The following DNAH11 variants were observed in gnomAD, a reference collection of about 807,000 sequenced individuals.
DNAH11 encodes the protein axonemal beta dynein heavy chain 11.
In DNAH11, 442 loss-of-function variants were observed where a neutral mutation model predicts 526.0. The ratio of observed to expected loss-of-function variants is 0.84; its 90% CI spans 0.78 to 0.91. The LOEUF is 0.91. DNAH11 is among the 40% of genes least tolerant of loss of function. The probability of loss-of-function intolerance (pLI) is 0.00; values close to 1 mark genes in which losing one functional copy is unlikely to be tolerated. For synonymous variants in DNAH11, 2,461 were observed against 1,935.9 expected, an observed-to-expected ratio of 1.27 and a Z score of -7.12; for missense variants, 6,989 against 5,448.7, an observed-to-expected ratio of 1.28 and a Z score of -8.90.
At chr7:21,577,571 A>C (rs561470687) in intron 8 of DNAH11, among the ~76,000 whole-genome samples, 1 of 152,236 alleles carries the variant, frequency 6.6e-6, no homozygotes, top group East Asian at 1.9e-4. Flanking sequence ...GGCCACCTGC[A>C]CTTGTGGCAG....
intron 65 of DNAH11, among the ~76,000 whole-genome samples, chr7:21,839,984 A>G (rs757500885): frequency 1.3e-5 from 2 of 152,242 alleles, no homozygotes; most frequent in African/African-American, 2.4e-5. Context: ...AATAGTCTTT[A>G]CACATTAAAA....
At position 21,589,317 on chromosome 7, in the gene DNAH11, G is replaced by A; in HGVS notation, c.2083G>A (p.Asp695Asn). Residue 695 changes from aspartate to asparagine, a missense_variant, in exon 12 of 82, where the codon GAT becomes AAT. Transcript: ENST00000409508. ...CTATAATGAATGGAAAAGTAATGTG[G>A]ATGAAATCTGTGAATTCAATTTGAA... ...RIYNEWKSNVDEICEFNLNQP... is the reference protein window; with the variant it reads ...RIYNEWKSNVNEICEFNLNQP... 1 of 1,610,570 alleles carries A rather than the reference G, an allele frequency of 6.2e-7. No individual in the cohort carries two copies. Among genetic ancestry groups the A allele is most frequent in the Non-Finnish European group, 8.5e-7 (1 of 1,178,570 alleles).
At chr7:21,738,905 A>C in intron 47 of DNAH11, 39 bp downstream of exon 47, 7 of 1,449,468 alleles carry the variant, frequency 4.8e-6, no homozygotes, top group Non-Finnish European at 6.5e-6. Flanking sequence ...CCCAAAATCT[A>C]ATAATTATTA....
intron 74 of DNAH11, among the ~76,000 whole-genome samples, chr7:21,879,084 T>C (rs1783817748): frequency 6.6e-6 from 1 of 152,208 alleles, no homozygotes; most frequent in African/African-American, 2.4e-5. Context: ...CTTTTAATTT[T>C]ATGGCTGTTG....
chr7:21,705,412 G>C (rs755228081), intron 38 of DNAH11, 48 bp from the exon 39 acceptor site: 1 of 1,599,258 alleles, frequency 6.3e-7, no homozygotes, highest in Non-Finnish European at 8.6e-7. Context: ...TTATCTTTTT[G>C]TCACCAACTC....
At chr7:21,625,893 A>C (rs1389675930) in intron 25 of DNAH11, among the ~76,000 whole-genome samples, 3 of 152,082 alleles carry the variant, frequency 2.0e-5, no homozygotes, top group Non-Finnish European at 4.4e-5. Flanking sequence ...TTAAGTTTTT[A>C]GCTAAGATTA....
rs1244190872 is a variant in DNAH11 at position 21,786,326 on chromosome 7, G to GTGTGTGTGTA, written c.9598-295_9598-294insGTGTGTATGT. On this transcript the variant is annotated intron_variant, in intron 58 of 81. Coordinates refer to ENST00000409508, the MANE Select transcript of DNAH11 (RefSeq NM_001277115.2). ...CATGTGTGTGTGTGTGTGTGTGTGT[G>GTGTGTGTGTA]TGTATCCTGGCCTCAGTGAGCAGGG... 2.0e-5 allele frequency among the ~76,000 whole-genome samples: 3 copies of GTGTGTGTGTA among 151,788 alleles called. No individual in the cohort carries two copies. The East Asian group carries it at 5.8e-4, about 29-fold the overall frequency.
chr7:21,873,897 TCTC>T (rs1332539356), intron 74 of DNAH11, among the ~76,000 whole-genome samples: 1 of 140,634 alleles, frequency 7.1e-6, no homozygotes, highest in African/African-American at 2.6e-5. Flanking sequence ...TTCAAGCAAT[TCTC>T]CTGCCTCAGC....
rs144104318 is a variant in DNAH11 at position 21,850,273 on chromosome 7, G to A, written c.10897-2194G>A. On this transcript the variant is annotated intron_variant, in intron 66 of 81. Transcript: ENST00000409508. ...CGGGAGGCTGAGGCAGGAGAATGGC[G>A]TGAACCCGGGAGGCGGAGCTTGCAG... 6.9e-3 allele frequency among the ~76,000 whole-genome samples: 1,027 copies of A among 149,602 alleles called. 10 individuals are homozygous for A. Among genetic ancestry groups the A allele is most frequent in the African/African-American group, 0.023 (941 of 40,850 alleles).
chr7:21,801,026 T>G, intron 61 of DNAH11, 111 bp from the exon 62 acceptor site: 1 of 1,140,718 alleles, frequency 8.8e-7, no homozygotes, highest in Non-Finnish European at 1.3e-6. Context: ...CAAAGGTTAA[T>G]GGGGGGAAGA....
intron 42 of DNAH11, among the ~76,000 whole-genome samples, chr7:21,715,507 G>A (rs1487293725): frequency 6.6e-6 from 1 of 152,172 alleles, no homozygotes; most frequent in Non-Finnish European, 1.5e-5. Flanking sequence ...GGTCTTTTCT[G>A]TGGGCAAGGA....
At chr7:21,744,055 T>C (rs1786036300) in intron 49 of DNAH11, among the ~76,000 whole-genome samples, 1 of 152,080 alleles carries the variant, frequency 6.6e-6, no homozygotes, top group African/African-American at 2.4e-5. Flanking sequence ...GTGAAATGAT[T>C]AGACTGATAT....
intron 63 of DNAH11, among the ~76,000 whole-genome samples, chr7:21,812,105 T>G (rs13227625): frequency 0.41 from 62,501 of 151,870 alleles, 13,771 homozygotes; most frequent in East Asian, 0.82. Context: ...TGCTTTAACA[T>G]GAAAGATGTC....
At chr7:21,739,706 A>G (rs760131469) in intron 48 of DNAH11, 33 bp downstream of exon 48, 1 of 1,530,104 alleles carries the variant, frequency 6.5e-7, no homozygotes, top group Non-Finnish European at 9.0e-7. Flanking sequence ...CAAAAACTGT[A>G]GGTCTGTATT....
chr7:21,698,256 T>C, intron 36 of DNAH11, 43 bp downstream of exon 36: 1 of 1,604,822 alleles, frequency 6.2e-7, no homozygotes, highest in Admixed American at 1.7e-5. Flanking sequence ...TACATACCAT[T>C]GAAAAAGCTT....
chr7:21,851,279 C>A, intron 66 of DNAH11: 1 of 241,120 alleles, frequency 4.1e-6, no homozygotes, highest in Non-Finnish European at 8.3e-6. Flanking sequence ...TCTGCTGCCG[C>A]CAAGGAAAGA....
At chr7:21,610,983 A>C (rs1423656740) in intron 20 of DNAH11, among the ~76,000 whole-genome samples, 1 of 152,216 alleles carries the variant, frequency 6.6e-6, no homozygotes, top group Non-Finnish European at 1.5e-5. Context: ...GGTTAAATTT[A>C]GGTGTCAACC....
Position 21,901,385 on chromosome 7 carries a change from C to CCTTAGAGT in DNAH11, c.*132_*139dup. ...ACGTGCATTCTTTTTTCAACGCTAT[C>CCTTAGAGT]CTTAGAGTGAAAGTCAGAAAAAAAT... On this transcript the variant is annotated 3_prime_UTR_variant, in exon 82 of 82. Coordinates refer to ENST00000409508, the MANE Select transcript of DNAH11 (RefSeq NM_001277115.2). The CCTTAGAGT allele has an allele frequency of 4.7e-6, 6 of 1,277,500 alleles. No individual in the cohort carries two copies. Among genetic ancestry groups the CCTTAGAGT allele is most frequent in the Non-Finnish European group, 5.1e-6 (5 of 985,822 alleles). The allele number at this position is 1,277,500 out of a possible 1,614,324, so 79.1% of individuals were successfully genotyped here.
At chr7:21,570,934 T>C (rs2128436700) in intron 7 of DNAH11, among the ~76,000 whole-genome samples, 1 of 152,290 alleles carries the variant, frequency 6.6e-6, no homozygotes, top group African/African-American at 2.4e-5. Context: ...ATTTTCTTTG[T>C]AAAGCTCTAA....
Sources: allele counts gnomAD v4.1 joint callset (sites outside exome capture counted in the v4.1 genomes callset), GRCh38; gene constraint gnomAD v4.1.1; transcripts MANE v1.5; gene names NCBI Gene and HGNC (gene_info 2026-07-23, HGNC 2026-07-21).